UCN3: variants seen among roughly 807,000 people sequenced by gnomAD.
UCN3 encodes urocortin-3.
UCN3 carries 3 observed loss-of-function variants against 3.6 expected under a neutral mutation model. That is an observed-to-expected ratio of 0.83 (90% CI 0.38 to 2.15). UCN3 has a LOEUF of 2.15. UCN3 is among the 30% of genes most tolerant of loss of function. UCN3 has a pLI of 0.06. For missense variants in UCN3, 206 were observed against 208.3 expected (o/e 0.99, Z 0.07); for synonymous variants, 100 against 93.2 (o/e 1.07, Z -0.42).
Position 5,369,929 on chromosome 10 carries a change from G to A in UCN3, c.-6-3786G>A, listed in dbSNP as rs202044048. Among the ~76,000 whole-genome samples the A allele has an allele frequency of 3.0e-3, 262 of 87,854 alleles. 10 individuals are homozygous for A. Among genetic ancestry groups the A allele is most frequent in the South Asian group, 9.0e-3 (18 of 1,998 alleles). 57.6% of individuals were successfully genotyped at this position (87,854 alleles called of 152,430 possible). On this transcript the variant is annotated intron_variant, in intron 1 of 1. Transcript: ENST00000380433. Reference sequence around the variant, plus strand: ...TGTGTGTGTATATGTGTGTGTATGTGTGTGTGTGTATGTGTGTGTATATGT... The same window carrying A: ...TGTGTGTGTATATGTGTGTGTATGTATGTGTGTGTATGTGTGTGTATATGT...
chr10:5,373,855 G>A lies in UCN3; in HGVS notation c.135G>A (p.Lys45=), dbSNP rs1831462962. 2 of 1,613,984 alleles carry A rather than the reference G, an allele frequency of 1.2e-6. No homozygotes were observed. Among genetic ancestry groups the A allele is most frequent in the African/African-American group, 2.7e-5 (2 of 74,912 alleles). ...CLNTALSEAE[K]GQWEDASLLS... ...ACACCGCCCTGTCTGAGGCTGAGAA[G>A]GGCCAGTGGGAGGATGCATCCCTGC... Residue 45 remains lysine (K), a synonymous_variant, in exon 2 of 2, where the codon AAG becomes AAA. Transcript: ENST00000380433.
Position 5,370,380 on chromosome 10 carries a change from TGTATATGC to T in UCN3, c.-6-3332_-6-3325del, listed in dbSNP as rs1554811211. Reference sequence around the variant, plus strand: ...GTGTGTATATGCGTGTGTATATGCGTGTATATGCGTGTGTATATGTGTGTGTATATGTG... The same window carrying T: ...GTGTGTATATGCGTGTGTATATGCGTGTGTGTATATGTGTGTGTATATGTG... On this transcript the variant is annotated intron_variant, in intron 1 of 1. Transcript: ENST00000380433. 6.9e-5 allele frequency among the ~76,000 whole-genome samples: 6 copies of T among 86,994 alleles called. 1 individual carries two copies. The highest frequency in any genetic ancestry group is 7.3e-4 in the East Asian group (2 of 2,746). The allele number at this position is 86,994 out of a possible 152,430, so 57.1% of individuals were successfully genotyped here.
At chr10:5,372,638 C>A (rs976666561) in intron 1 of UCN3, among the ~76,000 whole-genome samples, 1 of 152,090 alleles carries the variant, frequency 6.6e-6, no homozygotes, top group Non-Finnish European at 1.5e-5. Flanking sequence ...TAGCCTCGAC[C>A]TCTGGAGCTC....
intron 1 of UCN3, among the ~76,000 whole-genome samples, chr10:5,370,816 TGTGTGTGCGC>T (rs1831399535): frequency 9.8e-6 from 1 of 101,580 alleles, no homozygotes; most frequent in Non-Finnish European, 2.0e-5. Flanking sequence ...TGTGTGTGCG[TGTGTGTGCGC>T]GCGTGTGTGT....
In UCN3 at chr10:5,374,329, G is replaced by C; in HGVS notation, c.*123G>C. 1 of 947,486 alleles carries C rather than the reference G, an allele frequency of 1.1e-6. No individual in the cohort carries two copies. Among genetic ancestry groups the C allele is most frequent in the Non-Finnish European group, 1.6e-6 (1 of 644,626 alleles). The allele number at this position is 947,486 out of a possible 1,614,324, so 58.7% of individuals were successfully genotyped here. On this transcript the variant is annotated 3_prime_UTR_variant, in exon 2 of 2. Transcript: ENST00000380433. ...GGTTTGTGTTTTGTGGGATCAGTCA[G>C]TTTTACAGGTTGCTGCACTGCTGAG...
Position 5,370,395 on chromosome 10 carries a change from ATATG to A in UCN3, c.-6-3318_-6-3315del, listed in dbSNP as rs1339330405. Among the ~76,000 whole-genome samples, 2 of 16,918 alleles carry A rather than the reference ATATG, an allele frequency of 1.2e-4. 1 individual carries two copies. Among genetic ancestry groups the A allele is most frequent in the African/African-American group, 6.5e-4 (2 of 3,094 alleles). 11.1% of individuals were successfully genotyped at this position (16,918 alleles called of 152,430 possible). Reference sequence around the variant, plus strand: ...TGTATATGCGTGTATATGCGTGTGTATATGTGTGTGTATATGTGTGTGTGTATAT... The same window carrying A: ...TGTATATGCGTGTATATGCGTGTGTATGTGTGTATATGTGTGTGTGTATAT... On this transcript the variant is annotated intron_variant, in intron 1 of 1. Coordinates refer to ENST00000380433, the MANE Select transcript of UCN3 (RefSeq NM_053049.4).
Position 5,373,960 on chromosome 10 carries a change from T to A in UCN3, c.240T>A (p.Thr80=). 1 of 1,610,674 alleles carries A rather than the reference T, an allele frequency of 6.2e-7. No homozygotes were observed. Among genetic ancestry groups the A allele is most frequent in the South Asian group, 1.1e-5 (1 of 90,552 alleles). ...GEEEEGKEKK[T]FPISGARGGA... is the part of the protein sequence containing the mutation. ...AGGAGGAGGGCAAAGAGAAAAAGACTTTCCCCATCTCTGGGGCCAGGGGTG... is the reference window on the plus strand; with the variant it reads ...AGGAGGAGGGCAAAGAGAAAAAGACATTCCCCATCTCTGGGGCCAGGGGTG... The change falls in exon 2 of 2, where the codon ACT becomes ACA. Residue 80 remains threonine (T), a synonymous_variant. Transcript: ENST00000380433.
At position 5,369,954 on chromosome 10, in the gene UCN3, T is replaced by C. The variant is rs201858901; in HGVS notation, c.-6-3761T>C. On this transcript the variant is annotated intron_variant, in intron 1 of 1. Transcript: ENST00000380433. ...GTGTGTGTGTATGTGTGTGTATATG[T>C]GTGTGTATATGCGTGTGTATATGCG... Among the ~76,000 whole-genome samples, 154 of 109,546 alleles carry C rather than the reference T, an allele frequency of 1.4e-3. 22 individuals carry two copies. Among genetic ancestry groups the C allele is most frequent in the African/African-American group, 4.1e-3 (115 of 27,934 alleles). The allele number at this position is 109,546 out of a possible 152,430, so 71.9% of individuals were successfully genotyped here.
rs2119114440 is a variant in UCN3, at chr10:5,373,898, C to T, written c.178C>T (p.His60Tyr). Residue 60 changes from histidine (H) to tyrosine (Y), a missense_variant, in exon 2 of 2, where the codon CAC (histidine) becomes TAC (tyrosine). By Grantham distance (83) the His-to-Tyr change is moderately conservative. Coordinates refer to ENST00000380433, the MANE Select transcript of UCN3 (RefSeq NM_053049.4). ...DASLLSKRSF[H>Y]YLRSRDASSG... ...ATCCCTGCTGAGCAAGAGGAGCTTC[C>T]ACTACCTGCGCAGCAGAGACGCCTC... The T allele has an allele frequency of 6.2e-7, 1 of 1,613,942 alleles. No homozygotes were observed. Among genetic ancestry groups the T allele is most frequent in the Non-Finnish European group, 8.5e-7 (1 of 1,179,912 alleles).
At chr10:5,370,845 G>A (rs1295587324) in intron 1 of UCN3, among the ~76,000 whole-genome samples, 2,021 of 85,716 alleles carry the variant, frequency 0.024, 174 homozygotes, top group East Asian at 0.099. Context: ...GTGCGCGTGT[G>A]TGTGCGCGTG....
intron 1 of UCN3, among the ~76,000 whole-genome samples, chr10:5,370,883 G>C (rs1554811434): frequency 2.3e-5 from 2 of 85,588 alleles, no homozygotes; most frequent in Non-Finnish European, 5.6e-5. Flanking sequence ...GTGTGTATAT[G>C]CGTGTGTATA....
At chr10:5,370,143 GCGTGTGTATA>G (rs1831341284) in intron 1 of UCN3, among the ~76,000 whole-genome samples, 9 of 46,090 alleles carry the variant, frequency 2.0e-4, no homozygotes, top group East Asian at 6.7e-4. Flanking sequence ...GTGTGTGTAT[GCGTGTGTATA>G]TGTGTGTGTA....
intron 1 of UCN3, among the ~76,000 whole-genome samples, chr10:5,370,799 G>A (rs1193114934): frequency 7.1e-6 from 1 of 141,766 alleles, no homozygotes; most frequent in Non-Finnish European, 1.5e-5. Flanking sequence ...GTATGCGTGT[G>A]TATATGTGTG....
chr10:5,374,571 T>G lies in UCN3; in HGVS notation c.*365T>G. On this transcript the variant is annotated 3_prime_UTR_variant, in exon 2 of 2. Coordinates refer to ENST00000380433, the MANE Select transcript of UCN3 (RefSeq NM_053049.4). ...TGACCCCATGCCTGAGAAGAGAGCG[T>G]TCAGGGCTCCTCTCCCACACATCAA... 1 of 194,332 alleles carries G rather than the reference T, an allele frequency of 5.1e-6. No individual in the cohort carries two copies. Among genetic ancestry groups the G allele is most frequent in the Non-Finnish European group, 1.1e-5 (1 of 93,690 alleles). 12.0% of individuals were successfully genotyped at this position (194,332 alleles called of 1,614,324 possible). A position where few individuals can be genotyped will look rare whatever the true frequency, so the allele number is the denominator to read the frequency against.
In UCN3 at chr10:5,374,232, C is replaced by T. The variant is rs373648948; in HGVS notation, c.*26C>T. On this transcript the variant is annotated 3_prime_UTR_variant, in exon 2 of 2. Transcript: ENST00000380433. Reference sequence around the variant, plus strand: ...AGGCGGAGGCTGGACGGGAGGGCAGCGGGGTGGGGAGGGGGAGGGGAGGGG... The same window carrying T: ...AGGCGGAGGCTGGACGGGAGGGCAGTGGGGTGGGGAGGGGGAGGGGAGGGG... The T allele has an allele frequency of 3.0e-4, 163 of 538,254 alleles. No individual in the cohort carries two copies. The African/African-American group carries it at 6.6e-3, about 22-fold the overall frequency. The allele number at this position is 538,254 out of a possible 1,614,324, so 33.3% of individuals were successfully genotyped here. A position where few individuals can be genotyped will look rare whatever the true frequency, so the allele number is the denominator to read the frequency against.
intron 1 of UCN3, among the ~76,000 whole-genome samples, chr10:5,372,661 T>C (rs1470396446): frequency 6.6e-6 from 1 of 151,832 alleles, no homozygotes; most frequent in Non-Finnish European, 1.5e-5. Flanking sequence ...GCAATCCTCC[T>C]GCCTCAGCCT....
At chr10:5,370,189 A>ATG (rs1831345134) in intron 1 of UCN3, among the ~76,000 whole-genome samples, 1 of 16,280 alleles carries the variant, frequency 6.1e-5, no homozygotes, top group Non-Finnish European at 1.0e-4. Context: ...GCGTGTGTAT[A>ATG]TGCGTGTGTA....
At chr10:5,370,735 T>TG (rs1485516654) in intron 1 of UCN3, among the ~76,000 whole-genome samples, 1 of 119,020 alleles carries the variant, frequency 8.4e-6, no homozygotes, top group Non-Finnish European at 1.7e-5. Context: ...TGCGTGTGTA[T>TG]ATGTGTGTGT....
Position 5,374,237 on chromosome 10 carries a change from T to TGAGGAGGGGGA in UCN3, c.*32_*33insAGGAGGGGGAG, listed in dbSNP as rs1831472691. ...GAGGCTGGACGGGAGGGCAGCGGGG[T>TGAGGAGGGGGA]GGGGAGGGGGAGGGGAGGGGGAGGG... On this transcript the variant is annotated 3_prime_UTR_variant, in exon 2 of 2. Transcript: ENST00000380433. The TGAGGAGGGGGA allele has an allele frequency of 1.1e-5, 2 of 182,264 alleles. No homozygotes were observed. The highest frequency in any genetic ancestry group is 4.6e-4 in the East Asian group (1 of 2,172). The allele number at this position is 182,264 out of a possible 1,614,324, so 11.3% of individuals were successfully genotyped here. A position where few individuals can be genotyped will look rare whatever the true frequency, so the allele number is the denominator to read the frequency against.
Sources: gnomAD v4.1 joint callset for allele counts (sites outside exome capture counted in the v4.1 genomes callset) on GRCh38, gnomAD v4.1.1 for gene constraint, MANE v1.5 for transcripts, NCBI Gene and HGNC (gene_info 2026-07-23, HGNC 2026-07-21) for gene names.